MEGF10: variants seen among roughly 807,000 people sequenced by gnomAD.
The protein encoded by MEGF10 is multiple EGF like domains 10.
A neutral mutation model predicts 147.5 loss-of-function variants in MEGF10; 86 were observed. That is an observed-to-expected ratio of 0.58 (90% CI 0.49 to 0.70). The LOEUF (loss-of-function observed/expected upper bound fraction) is 0.70. MEGF10 is among the 30% of genes least tolerant of loss of function. The probability of loss-of-function intolerance (pLI) is 0.00; values close to 1 mark genes in which losing one functional copy is unlikely to be tolerated. For missense variants in MEGF10, 1,329 were observed against 1,487.3 expected, an observed-to-expected ratio of 0.89 and a Z score of 1.75; for synonymous variants, 478 against 525.5, an observed-to-expected ratio of 0.91 and a Z score of 1.24.
the MEGF10 span, among the ~76,000 whole-genome samples, chr5:127,266,265 G>C: frequency 6.6e-6 from 1 of 151,740 alleles, no homozygotes; most frequent in Admixed American, 6.6e-5. Context: ...CCTCTCTTCT[G>C]TTCCATTGGT....
intron 4 of MEGF10, among the ~76,000 whole-genome samples, chr5:127,364,525 G>C (rs552425019): frequency 1.3e-5 from 2 of 152,094 alleles, no homozygotes; most frequent in South Asian, 2.1e-4. Context: ...AGTGTACCTA[G>C]TGCATCAGTA....
the MEGF10 span, among the ~76,000 whole-genome samples, chr5:127,264,915 A>C: frequency 6.7e-6 from 1 of 149,744 alleles, no homozygotes; most frequent in South Asian, 2.1e-4. Context: ...CCCATTACCC[A>C]GGTATTTTTT....
At chr5:127,439,439 C>A (rs184598466) in intron 17 of MEGF10, among the ~76,000 whole-genome samples, 9 of 152,176 alleles carry the variant, frequency 5.9e-5, no homozygotes, top group African/African-American at 1.9e-4. Flanking sequence ...AATTAGAGTA[C>A]ATAATTAAAG....
chr5:127,383,378 G>T (rs1763323701), intron 5 of MEGF10, among the ~76,000 whole-genome samples: 1 of 152,072 alleles, frequency 6.6e-6, no homozygotes, highest in African/African-American at 2.4e-5. Flanking sequence ...TGAGGTGGGG[G>T]TATTACTTGA....
In MEGF10 at chr5:127,422,671, A is replaced by T; in HGVS notation, c.1592A>T (p.Asp531Val). The T allele has an allele frequency of 6.2e-7, 1 of 1,613,538 alleles. No homozygotes were observed. The highest frequency in any genetic ancestry group is 8.5e-7 in the Non-Finnish European group (1 of 1,179,558). ...CCTTTGATGCTGTTTTCCATGCAGG[A>T]TGGCACGTACGGGCTGAACTGTGCT... Reference protein sequence around the residue: ...RGEKCELPCQDGTYGLNCAER... With the variant: ...RGEKCELPCQVGTYGLNCAER... The change falls in exon 13 of 25, where the codon GAT (aspartate) becomes GTT (valine). Residue 531 changes from aspartate to valine, a missense_variant and splice_region_variant. Physicochemically the swap from Asp to Val is radical, Grantham distance 152. Around this residue, in one of 3 missense-constraint regions of MEGF10, gnomAD observed 980 missense variants for 1,085.9 expected, o/e 0.90. Transcript: ENST00000503335.
chr5:127,360,016 A>T (rs1449839677), intron 4 of MEGF10, among the ~76,000 whole-genome samples: 2 of 152,102 alleles, frequency 1.3e-5, no homozygotes. Context: ...ATTGGAGGAG[A>T]ATCGATATCT....
chr5:127,449,302 A>C lies in MEGF10; in HGVS notation c.2980+80A>C, dbSNP rs1580885570. ...ACAGTCACGGATCTCTGTTTGTGCC[A>C]AGGTGTTCTATTGAAAACTTGCATC... On this transcript the variant is annotated intron_variant, in intron 22 of 24. Transcript: ENST00000503335. 5 of 1,574,586 alleles carry C rather than the reference A, an allele frequency of 3.2e-6. No individual in the cohort carries two copies. In the South Asian group the frequency reaches 4.7e-5, roughly 15 times the overall value.
Position 127,410,549 on chromosome 5 carries a change from T to A in MEGF10, c.1078T>A (p.Tyr360Asn). The A allele has an allele frequency of 6.2e-7, 1 of 1,612,798 alleles. No homozygotes were observed. The highest frequency in any genetic ancestry group is 8.5e-7 in the Non-Finnish European group (1 of 1,179,960). ...CEARLCPEGL[Y>N]GIKCDKRCPC... is the part of the protein sequence containing the mutation. ...AGCACGCCTGTGTCCTGAGGGGCTC[T>A]ACGGCATCAAATGTGACAAACGGTG... is the stretch of plus-strand genomic sequence containing the variant. Residue 360 changes from tyrosine to asparagine, a missense_variant, in exon 9 of 25, where the codon TAC (tyrosine) becomes AAC (asparagine). By Grantham distance (143) the Tyr-to-Asn change is moderately radical (BLOSUM62 -2). This residue lies in a region of MEGF10 where 980 missense variants were observed against 1,085.9 expected (regional missense o/e 0.90). Coordinates refer to ENST00000503335, the MANE Select transcript of MEGF10 (RefSeq NM_001256545.2).
chr5:127,445,363 C>A lies in MEGF10; in HGVS notation c.2492-94C>A, dbSNP rs867923146. Reference sequence around the variant, plus strand: ...TAATGTTTTATGAACTGAAAATATGCAGGCATTAGCACAGAAGGAGGTTTT... The same window carrying A: ...TAATGTTTTATGAACTGAAAATATGAAGGCATTAGCACAGAAGGAGGTTTT... On this transcript the variant is annotated intron_variant, in intron 19 of 24. Coordinates refer to ENST00000503335, the MANE Select transcript of MEGF10 (RefSeq NM_001256545.2). 4.4e-5 allele frequency: 37 copies of A among 838,934 alleles called. No individual in the cohort carries two copies. In the Middle Eastern group the frequency reaches 1.6e-3, roughly 35 times the overall value. 52.0% of individuals were successfully genotyped at this position (838,934 alleles called of 1,614,324 possible).
chr5:127,301,884 TG>T (rs990816193), intron 1 of MEGF10, among the ~76,000 whole-genome samples: 1 of 152,206 alleles, frequency 6.6e-6, no homozygotes, highest in African/African-American at 2.4e-5. Context: ...ATCGTTCAAA[TG>T]CTTAAATAAG....
At chr5:127,452,587 ATAGACATGATTGACTCCCATCATG>A (rs530989272) in intron 22 of MEGF10, among the ~76,000 whole-genome samples, 167 of 152,322 alleles carry the variant, frequency 1.1e-3, no homozygotes, top group African/African-American at 3.9e-3. Context: ...GCTCAGTCAT[ATAGACATGATTGACTCCCATCATG>A]TAGACATGAT....
At chr5:127,419,079 T>C in intron 10 of MEGF10, 41 bp from the exon 11 acceptor site, 2 of 1,576,644 alleles carry the variant, frequency 1.3e-6, no homozygotes, top group South Asian at 2.4e-5. Flanking sequence ...CTTATTTCAG[T>C]TGGCAAAATT....
At chr5:127,410,346 C>G (rs1764506029) in intron 8 of MEGF10, 43 bp from the exon 9 acceptor site, 2 of 1,572,048 alleles carry the variant, frequency 1.3e-6, no homozygotes, top group African/African-American at 2.7e-5. Context: ...TTTCACATGG[C>G]ACTAACTAAT....
At chr5:127,233,696 A>G in the MEGF10 span, among the ~76,000 whole-genome samples, 1 of 152,218 alleles carries the variant, frequency 6.6e-6, no homozygotes, top group Admixed American at 6.5e-5. Context: ...AAAAGCAAAA[A>G]GAAAGCACAG....
chr5:127,412,382 A>G (rs537577692), intron 9 of MEGF10, among the ~76,000 whole-genome samples: 9 of 152,332 alleles, frequency 5.9e-5, no homozygotes, highest in African/African-American at 1.7e-4. Flanking sequence ...TTAAACTTCT[A>G]TGTGTAAAAC....
intron 4 of MEGF10, among the ~76,000 whole-genome samples, chr5:127,369,471 T>C (rs192632532): frequency 6.6e-6 from 1 of 152,322 alleles, no homozygotes; most frequent in East Asian, 1.9e-4. Context: ...TTCTGGTGAA[T>C]GTATTATGTA....
intron 5 of MEGF10, among the ~76,000 whole-genome samples, chr5:127,388,664 G>A (rs925071234): frequency 4.6e-5 from 7 of 151,870 alleles, no homozygotes; most frequent in African/African-American, 1.7e-4. Context: ...TCCTGCCTCA[G>A]CCTCCCAAGT....
chr5:127,433,230 G>C, intron 13 of MEGF10, 133 bp from the exon 14 acceptor site: 1 of 1,002,438 alleles, frequency 1.0e-6, no homozygotes, highest in Admixed American at 2.1e-5. Flanking sequence ...TTTATAAGAT[G>C]GTAACTCTCC....
the MEGF10 span, among the ~76,000 whole-genome samples, chr5:127,235,368 C>T: frequency 1.3e-4 from 20 of 152,292 alleles, no homozygotes; most frequent in South Asian, 3.9e-3. Flanking sequence ...CTGAATCTTC[C>T]CTTATGTTTC....
Sources: gnomAD v4.1 joint callset for allele counts (sites outside exome capture counted in the v4.1 genomes callset) on GRCh38, gnomAD v4.1.1 for gene constraint, gnomAD v4.1.1 regional missense constraint, MANE v1.5 for transcripts, NCBI Gene and HGNC (gene_info 2026-07-23, HGNC 2026-07-21) for gene names.